Variants in CDK5RAP2 observed in about 807,000 individuals in gnomAD.
CDK5RAP2 encodes CDK5 regulatory subunit-associated protein 2.
In CDK5RAP2, 147 loss-of-function variants were observed where a neutral mutation model predicts 232.9. That is an observed-to-expected ratio of 0.63 (90% CI 0.55 to 0.72). CDK5RAP2 has a LOEUF of 0.72. Ranked by LOEUF, CDK5RAP2 falls within the 30% of genes least tolerant of loss-of-function variation. CDK5RAP2 has a pLI of 0.00. For missense variants in CDK5RAP2, 2,195 were observed against 2,231.5 expected (o/e 0.98, Z 0.33); for synonymous variants, 833 against 833.7 (o/e 1.00, Z 0.01).
At chr9:120,535,688 G>A (rs2041354375) in intron 7 of CDK5RAP2, among the ~76,000 whole-genome samples, 1 of 152,180 alleles carries the variant, frequency 6.6e-6, no homozygotes, top group African/African-American at 2.4e-5. Flanking sequence ...CTCCTGACAA[G>A]TTTTTACCAA....
rs1366463304 is a variant in CDK5RAP2 at position 120,448,439 on chromosome 9, C to T, written c.2794-313G>A. ...TGATCTTCTGGGAAATGTTATTTTG[C>T]TCCTTATCTATTTCCTTGTTTCCCA... On this transcript the variant is annotated intron_variant, in intron 21 of 37. Transcript: ENST00000349780. Among the ~76,000 whole-genome samples the T allele has an allele frequency of 3.9e-5, 6 of 152,318 alleles. No individual in the cohort carries two copies. In the East Asian group the frequency reaches 1.2e-3, roughly 29 times the overall value.
chr9:120,464,163 C>T (rs2037245074), intron 18 of CDK5RAP2, among the ~76,000 whole-genome samples: 1 of 152,174 alleles, frequency 6.6e-6, no homozygotes, highest in Non-Finnish European at 1.5e-5. Context: ...CTTGAAACCC[C>T]ACGCTGTTAC....
At chr9:120,517,837 A>C (rs1564326743) in intron 12 of CDK5RAP2, 1 of 382,238 alleles carries the variant, frequency 2.6e-6, no homozygotes, top group African/African-American at 2.1e-5. Context: ...AGGTGGGAGG[A>C]TCACTTGAGC....
At chr9:120,535,220 G>A (rs2041332283) in intron 7 of CDK5RAP2, among the ~76,000 whole-genome samples, 1 of 152,190 alleles carries the variant, frequency 6.6e-6, no homozygotes, top group Admixed American at 6.5e-5. Flanking sequence ...TCCAAATGCT[G>A]AAGCTAGGGC....
Position 120,458,591 on chromosome 9 carries a change from T to G in CDK5RAP2, c.2234A>C (p.Lys745Thr). 1.9e-6 allele frequency: 3 copies of G among 1,614,208 alleles called. No homozygotes were observed. Among genetic ancestry groups the G allele is most frequent in the Non-Finnish European group, 2.5e-6 (3 of 1,180,022 alleles). Residue 745 changes from lysine (K) to threonine (T), a missense_variant, in exon 20 of 38, where the codon AAA (lysine) becomes ACA (threonine). Coordinates refer to ENST00000349780, the MANE Select transcript of CDK5RAP2 (RefSeq NM_018249.6). ...CTCCGTGTGCCTTAAGTATCCATTT[T>G]TGCAGCCTCCTTTGGAAAGGTCTTT... ...IMKDLSKGGC[K>T]NGYLRHTESK...
In CDK5RAP2 at chr9:120,578,818, C is replaced by T. The variant is rs182466018; in HGVS notation, c.59+1102G>A. On this transcript the variant is annotated intron_variant, in intron 1 of 37. Transcript: ENST00000349780. ...CTGAGCTCAAGAAATCGGCCCACCT[C>T]GGCCTCCCCAAGGGCTAGGATTACA... 1.6e-3 allele frequency among the ~76,000 whole-genome samples: 244 copies of T among 152,284 alleles called. 2 individuals carry two copies. The highest frequency in any genetic ancestry group is 5.2e-3 in the African/African-American group (218 of 41,566).
chr9:120,393,372 CA>C (rs1477086591), intron 36 of CDK5RAP2, among the ~76,000 whole-genome samples: 1 of 152,212 alleles, frequency 6.6e-6, no homozygotes, highest in Non-Finnish European at 1.5e-5. Context: ...TTTTGCAGTC[CA>C]AACACTGGCA....
At chr9:120,467,597 T>A (rs965582954) in intron 18 of CDK5RAP2, among the ~76,000 whole-genome samples, 1 of 152,192 alleles carries the variant, frequency 6.6e-6, no homozygotes, top group Non-Finnish European at 1.5e-5. Context: ...TACATACATA[T>A]ATATAAACAT....
At chr9:120,460,105 A>T (rs2037002030) in intron 19 of CDK5RAP2, among the ~76,000 whole-genome samples, 1 of 152,150 alleles carries the variant, frequency 6.6e-6, no homozygotes, top group South Asian at 2.1e-4. Context: ...GGCCCCTAGG[A>T]AGGGGAGCTA....
intron 20 of CDK5RAP2, among the ~76,000 whole-genome samples, chr9:120,456,211 C>T (rs150131116): frequency 6.6e-6 from 1 of 152,156 alleles, no homozygotes; most frequent in South Asian, 2.1e-4. Flanking sequence ...AAATGCAGGT[C>T]TGGGTGAGGT....
intron 1 of CDK5RAP2, among the ~76,000 whole-genome samples, chr9:120,579,581 T>G (rs532800474): frequency 6.6e-6 from 1 of 152,274 alleles, no homozygotes; most frequent in East Asian, 1.9e-4. Context: ...AACCATCAGG[T>G]GCCCTCAAGG....
Position 120,407,113 on chromosome 9 carries a change from T to C in CDK5RAP2, c.4862A>G (p.Glu1621Gly). 3.1e-6 allele frequency: 5 copies of C among 1,614,104 alleles called. No individual in the cohort carries two copies. The highest frequency in any genetic ancestry group is 1.1e-5 in the South Asian group (1 of 91,088). ...TSSTLQSRLK[E>G]QLARGAEKAQ... ...CTTCTCTGCCCCCCTTGCCAGCTGT[T>C]CCTTGAGCCTGCTCTGCAGAGTGCT... The change falls in exon 32 of 38, where the codon GAA (glutamate) becomes GGA (glycine). Residue 1621 changes from glutamate to glycine, a missense_variant. Transcript: ENST00000349780.
At chr9:120,433,530 C>T (rs116412043) in intron 25 of CDK5RAP2, among the ~76,000 whole-genome samples, 1,696 of 152,292 alleles carry the variant, frequency 0.011, 26 homozygotes, top group African/African-American at 0.038. Flanking sequence ...ACACAGCTTA[C>T]GAGTGGGAAA....
At chr9:120,533,214 G>A (rs970063153) in intron 7 of CDK5RAP2, among the ~76,000 whole-genome samples, 14 of 152,108 alleles carry the variant, frequency 9.2e-5, no homozygotes, top group East Asian at 1.9e-4. Context: ...CACACTGAGA[G>A]CACCATAGAA....
At chr9:120,579,790 A>C (rs1346232292) in intron 1 of CDK5RAP2, 130 bp downstream of exon 1, 6 of 726,408 alleles carry the variant, frequency 8.3e-6, no homozygotes. Flanking sequence ...ACCCTCTCCG[A>C]AGGAACCCAC....
At chr9:120,476,930 T>C (rs112028818) in intron 15 of CDK5RAP2, among the ~76,000 whole-genome samples, 3,013 of 152,292 alleles carry the variant, frequency 0.02, 103 homozygotes, top group African/African-American at 0.069. Flanking sequence ...TTCTGTCACT[T>C]GACATCTGTG....
At chr9:120,519,791 C>A (rs1403670833) in intron 11 of CDK5RAP2, among the ~76,000 whole-genome samples, 1 of 152,176 alleles carries the variant, frequency 6.6e-6, no homozygotes, top group Non-Finnish European at 1.5e-5. Context: ...ATGTCCTAGT[C>A]CTGAATAAGT....
At chr9:120,481,712 C>T (rs922429927) in intron 14 of CDK5RAP2, among the ~76,000 whole-genome samples, 1 of 152,038 alleles carries the variant, frequency 6.6e-6, no homozygotes, top group East Asian at 1.9e-4. Context: ...GGGGTTTCAC[C>T]GTGTTGCCCA....
At chr9:120,474,988 A>G (rs1260891530) in intron 15 of CDK5RAP2, among the ~76,000 whole-genome samples, 1 of 152,244 alleles carries the variant, frequency 6.6e-6, no homozygotes, top group Admixed American at 6.5e-5. Flanking sequence ...ATATTGAGAC[A>G]TATGTAAGCT....
Sources: gnomAD v4.1 joint callset for allele counts (sites outside exome capture counted in the v4.1 genomes callset) on GRCh38, gnomAD v4.1.1 for gene constraint, MANE v1.5 for transcripts, NCBI Gene and HGNC (gene_info 2026-07-23, HGNC 2026-07-21) for gene names.